TRIM26: variants seen among roughly 807,000 people sequenced by gnomAD.
TRIM26 encodes the protein tripartite motif containing 26, also known as tripartite motif-containing protein 26.
Under a neutral mutation model 45.5 loss-of-function variants are expected in TRIM26, and 16 were observed. The observed-to-expected ratio is 0.35, with a 90% CI of 0.24 to 0.53. The LOEUF (loss-of-function observed/expected upper bound fraction) is 0.53. TRIM26 is among the 20% of genes least tolerant of loss of function. The pLI, the probability that TRIM26 is intolerant of heterozygous loss-of-function variation, is 0.92. For missense variants in TRIM26, 442 were observed against 691.1 expected (o/e 0.64, Z 4.04); for synonymous variants, 273 against 290.4 (o/e 0.94, Z 0.61).
Position 30,201,574 on chromosome 6 carries a change from G to T in TRIM26, c.-265-436C>A, listed in dbSNP as rs186933893. ...GAAATGCTAGGAATTGGCCGGGCAC[G>T]GTGGCTCACACCTGTAATCCCAACA... On this transcript the variant is annotated intron_variant, in intron 2 of 9. Coordinates refer to ENST00000454678, the MANE Select transcript of TRIM26 (RefSeq NM_003449.5). Among the ~76,000 whole-genome samples the T allele has an allele frequency of 1.1e-3, 166 of 152,122 alleles. 1 individual carries two copies. The highest frequency in any genetic ancestry group is 3.9e-3 in the African/African-American group (160 of 41,486).
rs777410695 is a variant in TRIM26 at position 30,186,672 on chromosome 6, T to C, written c.938-114A>G. 8.5e-6 allele frequency: 11 copies of C among 1,299,228 alleles called. No homozygotes were observed. Among genetic ancestry groups the C allele is most frequent in the Non-Finnish European group, 2.1e-6 (2 of 975,322 alleles). 80.5% of individuals were successfully genotyped at this position (1,299,228 alleles called of 1,614,324 possible). ...AGCGTTAAACAAAATTAAAGTTGCA[T>C]ACATTAGTAATATAACTCAACATCC... On this transcript the variant is annotated intron_variant, in intron 9 of 9. Transcript: ENST00000454678. The surrounding 1 kb of genome is among the most constrained non-coding windows in gnomAD (Gnocchi z 7.4).
intron 6 of TRIM26, among the ~76,000 whole-genome samples, chr6:30,195,643 C>G (rs1403569063): frequency 6.6e-6 from 1 of 152,172 alleles, no homozygotes; most frequent in Non-Finnish European, 1.5e-5. Context: ...GTCTGCCTTG[C>G]TATCTCTCCC....
rs1775564876 is a variant in TRIM26 at position 30,189,350 on chromosome 6, T to G, written c.904+68A>C. 1 of 1,572,378 alleles carries G rather than the reference T, an allele frequency of 6.4e-7. No homozygotes were observed. The highest frequency in any genetic ancestry group is 1.7e-4 in the Middle Eastern group (1 of 5,978). On this transcript the variant is annotated intron_variant, in intron 8 of 9. Coordinates refer to ENST00000454678, the MANE Select transcript of TRIM26 (RefSeq NM_003449.5). The surrounding 1 kb of genome is among the most constrained non-coding windows in gnomAD (Gnocchi z 5.0). ...GATCGACAAGGTGATGGAAAGGAGC[T>G]GGGTGCGCTCTTTCTACGAGGTAGC...
At chr6:30,194,062 A>G (rs1776221784) in intron 6 of TRIM26, among the ~76,000 whole-genome samples, 1 of 152,222 alleles carries the variant, frequency 6.6e-6, no homozygotes, top group Non-Finnish European at 1.5e-5. Context: ...GAACTACCAT[A>G]TGATCCAGCA....
intron 2 of TRIM26, 120 bp from the exon 3 acceptor site, chr6:30,201,258 A>G (rs1581702951): frequency 6.6e-6 from 1 of 152,254 alleles, no homozygotes; most frequent in East Asian, 1.9e-4. Context: ...CCCCCAGTCT[A>G]TAAGACCCAA....
rs757857860 is a variant in TRIM26, at chr6:30,198,717, C to G, written c.387G>C (p.Glu129Asp). Residue 129 changes from glutamate to aspartate, a missense_variant, in exon 4 of 10, where the codon GAG becomes GAC. By Grantham distance (45) the Glu-to-Asp change is conservative. Coordinates refer to ENST00000454678, the MANE Select transcript of TRIM26 (RefSeq NM_003449.5). This position sits in a 1 kb window ranked among gnomAD's most constrained non-coding sequence, Gnocchi z 6.3. ...TGAGGACGGCCGTGTGGGGCCTGTGCTCCCGGGACTCCCGGCACATCACGC... is the reference window on the plus strand; with the variant it reads ...TGAGGACGGCCGTGTGGGGCCTGTGGTCCCGGGACTCCCGGCACATCACGC... ...LLCVMCRESR[E>D]HRPHTAVLME... 6.2e-7 allele frequency: 1 copy of G among 1,604,550 alleles called. No homozygotes were observed. Among genetic ancestry groups the G allele is most frequent in the South Asian group, 1.1e-5 (1 of 91,044 alleles).
chr6:30,186,275 A>G lies in TRIM26; in HGVS notation c.1221T>C (p.Tyr407=), dbSNP rs150814065. The G allele has an allele frequency of 2.2e-3, 3,459 of 1,607,744 alleles. 14 individuals carry two copies. Among genetic ancestry groups the G allele is most frequent in the African/African-American group, 0.014 (1,034 of 74,578 alleles). The change falls in exon 10 of 10, where the codon TAT becomes TAC. Residue 407 remains tyrosine, a synonymous_variant. Coordinates refer to ENST00000454678, the MANE Select transcript of TRIM26 (RefSeq NM_003449.5). The surrounding 1 kb of genome is among the most constrained non-coding windows in gnomAD (Gnocchi z 7.4). ...EEEEAGYGDG[Y]DDWETDEDEE... is the part of the protein sequence containing the mutation. ...CATCTTCGTCCGTTTCCCAGTCGTC[A>G]TATCCATCCCCATAGCCGGCCTCCT... is the stretch of plus-strand genomic sequence containing the variant.
intron 9 of TRIM26, chr6:30,187,191 C>A: frequency 3.6e-6 from 1 of 276,476 alleles, no homozygotes; most frequent in Non-Finnish European, 7.3e-6. Context: ...ATGTCTCTGC[C>A]ACAGCTTGCA....
intron 5 of TRIM26, among the ~76,000 whole-genome samples, chr6:30,197,363 C>T (rs1776598348): frequency 6.6e-6 from 1 of 152,164 alleles, no homozygotes; most frequent in Non-Finnish European, 1.5e-5. Context: ...CAGCCATGCA[C>T]ACTGAGGGCC....
rs533026241 is a variant in TRIM26 at position 30,198,060 on chromosome 6, G to T, written c.534+369C>A. ...TCCTTCTAAACCCTCTCCACTCTCA[G>T]GCAACCTTGTCTCTCTCTCTCTCTT... On this transcript the variant is annotated intron_variant, in intron 5 of 9. Transcript: ENST00000454678. The surrounding 1 kb of genome is among the most constrained non-coding windows in gnomAD (Gnocchi z 6.3). Among the ~76,000 whole-genome samples, 1 of 152,210 alleles carries T rather than the reference G, an allele frequency of 6.6e-6. No homozygotes were observed. Among genetic ancestry groups the T allele is most frequent in the Non-Finnish European group, 1.5e-5 (1 of 68,008 alleles).
chr6:30,200,069 G>C (rs1381044459), intron 3 of TRIM26, among the ~76,000 whole-genome samples: 2 of 152,096 alleles, frequency 1.3e-5, no homozygotes, highest in African/African-American at 4.8e-5. Context: ...CGAGGAGTTT[G>C]AAACCAGCCT....
Position 30,198,518 on chromosome 6 carries a change from T to A in TRIM26, c.445A>T (p.Ile149Phe). 1 of 1,612,800 alleles carries A rather than the reference T, an allele frequency of 6.2e-7. No individual in the cohort carries two copies. The highest frequency in any genetic ancestry group is 2.2e-5 in the East Asian group (1 of 44,884). ...CTTAGGGTACTCAGGTGGTTCAGGATTTTTTCCTGTGGAAAAACAAGCAGT... is the reference window on the plus strand; with the variant it reads ...CTTAGGGTACTCAGGTGGTTCAGGAATTTTTCCTGTGGAAAAACAAGCAGT... ...EKAAQPHREK[I>F]LNHLSTLRRD... Residue 149 changes from isoleucine (I) to phenylalanine (F), a missense_variant, in exon 5 of 10, where the codon ATC becomes TTC. By Grantham distance (21) the Ile-to-Phe change is conservative. Coordinates refer to ENST00000454678, the MANE Select transcript of TRIM26 (RefSeq NM_003449.5). The surrounding 1 kb of genome is among the most constrained non-coding windows in gnomAD (Gnocchi z 6.3).
rs756541143 is a variant in TRIM26 at position 30,186,338 on chromosome 6, C to A, written c.1158G>T (p.Gly386=). 8.4e-5 allele frequency: 136 copies of A among 1,612,182 alleles called. No individual in the cohort carries two copies. The highest frequency in any genetic ancestry group is 1.2e-4 in the Admixed American group (7 of 59,996). ...CCTCTTCTCCCTCTTCCTCCTCATCCCCCTCTTCTTCATCCTCAGACCAGC... is the reference window on the plus strand; with the variant it reads ...CCTCTTCTCCCTCTTCCTCCTCATCACCCTCTTCTTCATCCTCAGACCAGC... ...REGWSEDEEE[G]DEEEEGEEEE... The change falls in exon 10 of 10, where the codon GGG becomes GGT. Residue 386 remains glycine (G), a synonymous_variant. Transcript: ENST00000454678. The surrounding 1 kb of genome is among the most constrained non-coding windows in gnomAD (Gnocchi z 7.4).
chr6:30,186,672 T>G lies in TRIM26; in HGVS notation c.938-114A>C. The G allele has an allele frequency of 7.7e-7, 1 of 1,299,228 alleles. No individual in the cohort carries two copies. Among genetic ancestry groups the G allele is most frequent in the Middle Eastern group, 2.7e-4 (1 of 3,764 alleles). 80.5% of individuals were successfully genotyped at this position (1,299,228 alleles called of 1,614,324 possible). A position where few individuals can be genotyped will look rare whatever the true frequency, so the allele number is the denominator to read the frequency against. On this transcript the variant is annotated intron_variant, in intron 9 of 9. Coordinates refer to ENST00000454678, the MANE Select transcript of TRIM26 (RefSeq NM_003449.5). This position sits in a 1 kb window ranked among gnomAD's most constrained non-coding sequence, Gnocchi z 7.4. ...AGCGTTAAACAAAATTAAAGTTGCA[T>G]ACATTAGTAATATAACTCAACATCC...
chr6:30,208,515 CTT>C (rs35809533), intron 1 of TRIM26, among the ~76,000 whole-genome samples: 38,740 of 127,736 alleles, frequency 0.3, 4,780 homozygotes, highest in Admixed American at 0.33. Flanking sequence ...AATTTTTTTC[CTT>C]TTTTTTTTTT....
At chr6:30,199,625 C>G (rs1284884747) in intron 3 of TRIM26, among the ~76,000 whole-genome samples, 3 of 146,868 alleles carry the variant, frequency 2.0e-5, no homozygotes, top group African/African-American at 7.6e-5. Flanking sequence ...AAGAGACCGC[C>G]CGTTTTTTTT....
chr6:30,198,871 A>G lies in TRIM26; in HGVS notation c.233T>C (p.Ile78Thr). 6.2e-7 allele frequency: 1 copy of G among 1,612,554 alleles called. No homozygotes were observed. The highest frequency in any genetic ancestry group is 8.5e-7 in the Non-Finnish European group (1 of 1,179,860). The change falls in exon 4 of 10, where the codon ATT becomes ACT. Residue 78 changes from isoleucine to threonine, a missense_variant. Transcript: ENST00000454678. The surrounding 1 kb of genome is among the most constrained non-coding windows in gnomAD (Gnocchi z 6.3). ...VWQLASLVEN[I>T]ERLKVDKGRQ... ...GCCCTTGTCCACCTTCAGCCGCTCA[A>G]TGTTCTCCACCAGGCTGGCCAGTTG...
chr6:30,186,573 G>GGAA lies in TRIM26; in HGVS notation c.938-16_938-15insTTC, dbSNP rs34521005. ...GGTGACGCTCACTGTGGGGACAAGG[G>GGAA]AAAAAAAAAAAAACAGCATCACTGT... is the stretch of plus-strand genomic sequence containing the variant. On this transcript the variant is annotated splice_polypyrimidine_tract_variant and intron_variant, in intron 9 of 9. Transcript: ENST00000454678. The surrounding 1 kb of genome is among the most constrained non-coding windows in gnomAD (Gnocchi z 7.4). The GGAA allele has an allele frequency of 1.7e-4, 230 of 1,355,924 alleles. No individual in the cohort carries two copies. The East Asian group carries it at 5.8e-3, about 34-fold the overall frequency. 84.0% of individuals were successfully genotyped at this position (1,355,924 alleles called of 1,614,324 possible). A position where few individuals can be genotyped will look rare whatever the true frequency, so the allele number is the denominator to read the frequency against.
rs1562208200 is a variant in TRIM26, at chr6:30,196,641, C to T, written c.640G>A (p.Glu214Lys). Residue 214 changes from glutamate to lysine, a missense_variant, in exon 6 of 10, where the codon GAG (glutamate) becomes AAG (lysine). Transcript: ENST00000454678. This position sits in a 1 kb window ranked among gnomAD's most constrained non-coding sequence, Gnocchi z 4.9. ...EHLLEQLAKL[E>K]QELTEGREKF... ...TCCCTGCCCTCCGTGAGCTCCTGCT[C>T]CAGCTTCGCCAGCTGTTCCAGCAGG... 6.2e-7 allele frequency: 1 copy of T among 1,614,212 alleles called. No homozygotes were observed. Among genetic ancestry groups the T allele is most frequent in the Non-Finnish European group, 8.5e-7 (1 of 1,180,042 alleles).
Sources: allele counts gnomAD v4.1 joint callset (sites outside exome capture counted in the v4.1 genomes callset), GRCh38; gene constraint gnomAD v4.1.1; non-coding constraint Gnocchi (gnomAD v3.1); transcripts MANE v1.5; gene names NCBI Gene and HGNC (gene_info 2026-07-23, HGNC 2026-07-21).